Variants in PHACTR4 observed in about 807,000 individuals in gnomAD.
PHACTR4 encodes the protein protein phosphatase 1, regulatory subunit 124.
In PHACTR4, 51 loss-of-function variants were observed where a neutral mutation model predicts 72.7. The ratio of observed to expected loss-of-function variants is 0.70; its 90% CI spans 0.56 to 0.89. The LOEUF (loss-of-function observed/expected upper bound fraction) is 0.89. Among genes scored for constraint, PHACTR4 ranks in the 40% least tolerant of loss-of-function variants. The pLI is 0.00. For missense variants in PHACTR4, 731 were observed against 861.8 expected (o/e 0.85, Z 1.90); for synonymous variants, 255 against 302.5 (o/e 0.84, Z 1.63).
At chr1:28,493,820 C>A (rs1379674913) in intron 13 of PHACTR4, among the ~76,000 whole-genome samples, 1 of 152,164 alleles carries the variant, frequency 6.6e-6, no homozygotes, top group Non-Finnish European at 1.5e-5. Flanking sequence ...TAGACAAGAT[C>A]TTGCCCTCTC....
intron 4 of PHACTR4, among the ~76,000 whole-genome samples, chr1:28,463,169 C>T (rs1444055122): frequency 2.0e-5 from 3 of 151,960 alleles, no homozygotes; most frequent in Non-Finnish European, 2.9e-5. Flanking sequence ...CACTGCACTC[C>T]AGCCTGGGCG....
chr1:28,476,136 C>A lies in PHACTR4; in HGVS notation c.1451C>A (p.Thr484Asn), dbSNP rs199800458. 1.7e-4 allele frequency: 266 copies of A among 1,612,074 alleles called. No individual in the cohort carries two copies. The African/African-American group carries it at 3.4e-3, about 21-fold the overall frequency. The part of the protein sequence containing the change: ...VPDDEEEEEQ[T>N]CPSTFSEEMT... ...GACGATGAAGAAGAAGAGGAGCAAA[C>A]CTGTCCATCCACATTCAGTGAAGAA... Residue 484 changes from threonine (T) to asparagine (N), a missense_variant, in exon 8 of 14, where the codon ACC becomes AAC. This residue lies in a region of PHACTR4 where 621 missense variants were observed against 676.6 expected (regional missense o/e 0.92). Coordinates refer to ENST00000373839, the MANE Select transcript of PHACTR4 (RefSeq NM_001048183.3).
At chr1:28,444,647 G>T (rs558278346) in intron 2 of PHACTR4, among the ~76,000 whole-genome samples, 1 of 149,660 alleles carries the variant, frequency 6.7e-6, no homozygotes, top group African/African-American at 2.5e-5. Context: ...ACAGAGTCTC[G>T]CTGTGTTGGC....
chr1:28,440,681 TCAG>T (rs1656964593), intron 2 of PHACTR4, among the ~76,000 whole-genome samples: 1 of 152,158 alleles, frequency 6.6e-6, no homozygotes, highest in South Asian at 2.1e-4. Flanking sequence ...TAGTTGACTA[TCAG>T]CAGTTTTCAT....
At chr1:28,435,906 C>T (rs932967532) in intron 2 of PHACTR4, among the ~76,000 whole-genome samples, 1 of 152,200 alleles carries the variant, frequency 6.6e-6, no homozygotes, top group African/African-American at 2.4e-5. Context: ...AAGTATTGGG[C>T]ATTATTGAAT....
In PHACTR4 at chr1:28,422,106, T is replaced by C. The variant is rs1351988676; in HGVS notation, c.16+14643T>C. ...AATGTGAGACAGAGTGAAGTTATTTTATACAAATAAAAATACTTGTGTTAT... is the reference window on the plus strand; with the variant it reads ...AATGTGAGACAGAGTGAAGTTATTTCATACAAATAAAAATACTTGTGTTAT... On this transcript the variant is annotated intron_variant, in intron 2 of 13. Transcript: ENST00000373839. 3.3e-5 allele frequency among the ~76,000 whole-genome samples: 5 copies of C among 152,350 alleles called. No individual in the cohort carries two copies. In the East Asian group the frequency reaches 9.6e-4, roughly 29 times the overall value.
chr1:28,387,830 C>T (rs990228886), intron 1 of PHACTR4, among the ~76,000 whole-genome samples: 10 of 152,132 alleles, frequency 6.6e-5, no homozygotes, highest in South Asian at 2.1e-4. Context: ...CAGGTTCCAG[C>T]GATTCTCCTG....
chr1:28,417,371 A>C (rs902298708), intron 2 of PHACTR4, among the ~76,000 whole-genome samples: 4 of 152,220 alleles, frequency 2.6e-5, no homozygotes, highest in African/African-American at 9.7e-5. Context: ...TGGATTATAA[A>C]TTAGGCACAG....
At chr1:28,385,656 G>A (rs1401146931) in intron 1 of PHACTR4, among the ~76,000 whole-genome samples, 3 of 128,298 alleles carry the variant, frequency 2.3e-5, no homozygotes, top group African/African-American at 8.8e-5. Context: ...TCATTCTGTT[G>A]CCCAGGCTGG....
At chr1:28,434,093 AAGAGATT>A (rs1457355358) in intron 2 of PHACTR4, among the ~76,000 whole-genome samples, 1 of 151,892 alleles carries the variant, frequency 6.6e-6, no homozygotes, top group Non-Finnish European at 1.5e-5. Context: ...TAGCATTTCT[AAGAGATT>A]AGTTGTAGAG....
At chr1:28,442,046 A>G (rs540480846) in intron 2 of PHACTR4, among the ~76,000 whole-genome samples, 69 of 152,312 alleles carry the variant, frequency 4.5e-4, no homozygotes, top group African/African-American at 1.6e-3. Flanking sequence ...AATGAACATA[A>G]AAACTGTTTT....
intron 1 of PHACTR4, among the ~76,000 whole-genome samples, chr1:28,395,908 G>T (rs1653466304): frequency 7.8e-6 from 1 of 128,626 alleles, no homozygotes; most frequent in African/African-American, 3.2e-5. Flanking sequence ...TGATCCGCCC[G>T]CCTCGTCGGC....
intron 1 of PHACTR4, among the ~76,000 whole-genome samples, chr1:28,384,397 G>GT (rs1652411766): frequency 3.3e-5 from 5 of 152,070 alleles, no homozygotes. Flanking sequence ...TTGGGAGGGT[G>GT]TATGTGTCTA....
In PHACTR4 at chr1:28,476,080, G is replaced by A. The variant is rs754768927; in HGVS notation, c.1422-27G>A. 8.9e-6 allele frequency: 14 copies of A among 1,571,170 alleles called. No homozygotes were observed. In the African/African-American group the frequency reaches 9.7e-5, roughly 11 times the overall value. ...CAGTTATCCTCTTCATTTCTAAAAGGAAAATATAATTATGTTAATTTGTTA... is the reference window on the plus strand; with the variant it reads ...CAGTTATCCTCTTCATTTCTAAAAGAAAAATATAATTATGTTAATTTGTTA... On this transcript the variant is annotated intron_variant, in intron 7 of 13. Transcript: ENST00000373839.
At chr1:28,446,659 G>A (rs1458075418) in intron 2 of PHACTR4, among the ~76,000 whole-genome samples, 3 of 152,046 alleles carry the variant, frequency 2.0e-5, no homozygotes, top group African/African-American at 7.2e-5. Context: ...TGTGCCTGTA[G>A]TCCCAGCTAT....
intron 2 of PHACTR4, among the ~76,000 whole-genome samples, chr1:28,410,516 CAATT>C (rs1654711909): frequency 6.6e-6 from 1 of 151,974 alleles, no homozygotes; most frequent in Non-Finnish European, 1.5e-5. Flanking sequence ...TATTATTAAA[CAATT>C]AAATTAAACT....
intron 2 of PHACTR4, among the ~76,000 whole-genome samples, chr1:28,425,918 T>C (rs998255036): frequency 8.5e-5 from 13 of 152,220 alleles, no homozygotes; most frequent in African/African-American, 3.1e-4. Flanking sequence ...TACCTCTTGG[T>C]TCCTTAATAG....
At chr1:28,388,018 A>G (rs1652701313) in intron 1 of PHACTR4, among the ~76,000 whole-genome samples, 1 of 151,896 alleles carries the variant, frequency 6.6e-6, no homozygotes, top group African/African-American at 2.4e-5. Flanking sequence ...GTAAGCCACC[A>G]TGCCCGGCCT....
intron 6 of PHACTR4, among the ~76,000 whole-genome samples, chr1:28,471,310 T>G (rs1395481947): frequency 6.6e-6 from 1 of 150,988 alleles, no homozygotes; most frequent in Non-Finnish European, 1.5e-5. Context: ...GATGGCGCCA[T>G]TGCACTCCAG....
Sources: allele counts gnomAD v4.1 joint callset (sites outside exome capture counted in the v4.1 genomes callset), GRCh38; gene constraint gnomAD v4.1.1; regional missense constraint gnomAD v4.1.1; transcripts MANE v1.5; gene names NCBI Gene and HGNC (gene_info 2026-07-23, HGNC 2026-07-21).